The following LRP5 variants were observed in gnomAD, a reference collection of about 807,000 sequenced individuals.
The protein encoded by LRP5 is low-density lipoprotein receptor-related protein 5.
In LRP5, 62 loss-of-function variants were observed where a neutral mutation model predicts 154.1. The observed-to-expected ratio is 0.40, with a 90% confidence interval of 0.33 to 0.50. The LOEUF is 0.50. LRP5 is among the 20% of genes least tolerant of loss of function. LRP5 has a pLI of 0.55. For missense variants in LRP5, 1,915 were observed against 2,336.7 expected (o/e 0.82, Z 3.72); for synonymous variants, 966 against 1,011.5 (o/e 0.96, Z 0.85).
intron 3 of LRP5, among the ~76,000 whole-genome samples, chr11:68,360,577 C>T (rs2153137543): frequency 6.6e-6 from 1 of 152,318 alleles, no homozygotes; most frequent in African/African-American, 2.4e-5. Flanking sequence ...CCTGTGCAGG[C>T]CCCTTTATCT....
At chr11:68,369,757 G>A (rs1334375396) in intron 5 of LRP5, among the ~76,000 whole-genome samples, 1 of 152,158 alleles carries the variant, frequency 6.6e-6, no homozygotes, top group Non-Finnish European at 1.5e-5. Context: ...AGGAACGGGT[G>A]TGGGCCCTGA....
intron 16 of LRP5, among the ~76,000 whole-genome samples, chr11:68,427,847 T>C (rs1209858591): frequency 6.6e-6 from 1 of 152,206 alleles, no homozygotes; most frequent in African/African-American, 2.4e-5. Context: ...CAGCTCTCCC[T>C]CCAAGCTGCC....
rs983965078 is a variant in LRP5, at chr11:68,386,099, T to A, written c.1016-217T>A. Among the ~76,000 whole-genome samples, 12 of 151,970 alleles carry A rather than the reference T, an allele frequency of 7.9e-5. No homozygotes were observed. Among genetic ancestry groups the A allele is most frequent in the African/African-American group, 2.9e-4 (12 of 41,364 alleles). On this transcript the variant is annotated intron_variant, in intron 5 of 22. Transcript: ENST00000294304. This position sits in a 1 kb window ranked among gnomAD's most constrained non-coding sequence, Gnocchi z 7.9. ...TGCTTCAGTTCTCTCATTTGTAAAA[T>A]GAGGAAACAAACAGTGCCAGCCTCC...
rs1183899042 is a variant in LRP5, at chr11:68,411,532, G to T, written c.2415G>T (p.Arg805=). 1 of 1,613,680 alleles carries T rather than the reference G, an allele frequency of 6.2e-7. No individual in the cohort carries two copies. Among genetic ancestry groups the T allele is most frequent in the Non-Finnish European group, 8.5e-7 (1 of 1,180,040 alleles). ...TGACGCTGGTGGACAAGGTGGGCCG[G>T]GCCAACGACCTCACCATTGACTACG... The part of the protein sequence containing the change: ...NCMTLVDKVG[R]ANDLTIDYAD... Residue 805 remains arginine, a synonymous_variant, in exon 11 of 23, where the codon CGG becomes CGT. Coordinates refer to ENST00000294304, the MANE Select transcript of LRP5 (RefSeq NM_002335.4).
intron 16 of LRP5, among the ~76,000 whole-genome samples, chr11:68,427,646 C>T (rs1264618270): frequency 6.6e-6 from 1 of 151,854 alleles, no homozygotes; most frequent in African/African-American, 2.4e-5. Flanking sequence ...CGCCACTGCA[C>T]TCCAGCCTAG....
At chr11:68,408,851 C>T (rs995624925) in intron 9 of LRP5, among the ~76,000 whole-genome samples, 11 of 151,348 alleles carry the variant, frequency 7.3e-5, no homozygotes, top group Non-Finnish European at 1.2e-4. Context: ...AGTTTGAGAC[C>T]GGCCTGGGCA....
At chr11:68,432,568 G>A (rs1353514984) in intron 17 of LRP5, among the ~76,000 whole-genome samples, 1 of 152,338 alleles carries the variant, frequency 6.6e-6, no homozygotes, top group East Asian at 1.9e-4. Flanking sequence ...AAAGGCTTGC[G>A]TGCAGCATGA....
Position 68,417,173 on chromosome 11 carries a change from A to T in LRP5, c.3027+646A>T, listed in dbSNP as rs563186819. Among the ~76,000 whole-genome samples, 3 of 152,296 alleles carry T rather than the reference A, an allele frequency of 2.0e-5. No individual in the cohort carries two copies. The East Asian group carries it at 5.8e-4, about 29-fold the overall frequency. On this transcript the variant is annotated intron_variant, in intron 13 of 22. Coordinates refer to ENST00000294304, the MANE Select transcript of LRP5 (RefSeq NM_002335.4). ...TTATGAGTGTGGAAGGGTGTAGCGC[A>T]TGAGTTTTTGTGAAACACTGGAAGG...
intron 7 of LRP5, among the ~76,000 whole-genome samples, chr11:68,401,085 G>T (rs1477894552): frequency 1.3e-5 from 2 of 152,184 alleles, no homozygotes; most frequent in Non-Finnish European, 2.9e-5. Context: ...CTCCTCTCAC[G>T]CTGGGTGTCC....
chr11:68,315,161 A>G (rs762957483), intron 1 of LRP5, among the ~76,000 whole-genome samples: 67 of 152,272 alleles, frequency 4.4e-4, no homozygotes, highest in Non-Finnish European at 8.2e-4. Flanking sequence ...TTCGGGCACC[A>G]TACCTAGTTT....
At chr11:68,402,999 A>G (rs2098653472) in intron 7 of LRP5, among the ~76,000 whole-genome samples, 1 of 152,204 alleles carries the variant, frequency 6.6e-6, no homozygotes, top group Non-Finnish European at 1.5e-5. Flanking sequence ...GAATCCCAGC[A>G]CTTTGGGAGG....
Position 68,386,401 on chromosome 11 carries a change from G to A in LRP5, c.1101G>A (p.Leu367=). The change falls in exon 6 of 23, where the codon CTG becomes CTA. Residue 367 remains leucine, a synonymous_variant. Coordinates refer to ENST00000294304, the MANE Select transcript of LRP5 (RefSeq NM_002335.4). This position sits in a 1 kb window ranked among gnomAD's most constrained non-coding sequence, Gnocchi z 7.9. The part of the protein sequence containing the change: ...LDTPDFTDIV[L]QVDDIRHAIA... Reference sequence around the variant, plus strand: ...CGCCGGACTTCACCGACATCGTGCTGCAGGTGGACGACATCCGGCACGCCA... The same window carrying A: ...CGCCGGACTTCACCGACATCGTGCTACAGGTGGACGACATCCGGCACGCCA... 8 of 1,613,982 alleles carry A rather than the reference G, an allele frequency of 5.0e-6. No homozygotes were observed. Among genetic ancestry groups the A allele is most frequent in the Non-Finnish European group, 6.8e-6 (8 of 1,180,030 alleles).
chr11:68,367,202 G>A (rs189576248), intron 5 of LRP5, among the ~76,000 whole-genome samples: 49 of 152,316 alleles, frequency 3.2e-4, no homozygotes, highest in African/African-American at 1.1e-3. Flanking sequence ...GTGACCTGGC[G>A]ACACCAGGGG....
intron 5 of LRP5, among the ~76,000 whole-genome samples, chr11:68,379,646 G>T (rs2098639222): frequency 2.0e-5 from 3 of 152,174 alleles, no homozygotes; most frequent in Non-Finnish European, 2.9e-5. Flanking sequence ...TAGGGTTTTG[G>T]TGTTGTCCCT....
the LRP5 span, among the ~76,000 whole-genome samples, chr11:68,301,626 A>T: frequency 6.8e-6 from 1 of 146,458 alleles, no homozygotes; most frequent in African/African-American, 2.4e-5. Context: ...TTATTTATTT[A>T]TTTATTTTTT....
At chr11:68,442,076 AT>A (rs2098678499) in intron 21 of LRP5, among the ~76,000 whole-genome samples, 2 of 152,212 alleles carry the variant, frequency 1.3e-5, no homozygotes, top group Non-Finnish European at 2.9e-5. Flanking sequence ...ATCTGTACAT[AT>A]GCAAGCATAC....
chr11:68,320,557 G>A (rs2098596171), intron 1 of LRP5, among the ~76,000 whole-genome samples: 1 of 151,720 alleles, frequency 6.6e-6, no homozygotes, highest in South Asian at 2.1e-4. Context: ...TGCCTCCCGG[G>A]TTCCAGCTGT....
intron 9 of LRP5, among the ~76,000 whole-genome samples, chr11:68,409,372 T>C (rs1345624420): frequency 6.8e-6 from 1 of 146,990 alleles, no homozygotes; most frequent in Non-Finnish European, 1.5e-5. Flanking sequence ...TATACATTTA[T>C]AAATACACAT....
chr11:68,323,562 C>G (rs181017590), intron 1 of LRP5, among the ~76,000 whole-genome samples: 2 of 152,278 alleles, frequency 1.3e-5, no homozygotes, highest in Admixed American at 6.5e-5. Flanking sequence ...TACAGGCACA[C>G]ACCACCAGGC....
Sources: gnomAD v4.1 joint callset for allele counts (sites outside exome capture counted in the v4.1 genomes callset) on GRCh38, gnomAD v4.1.1 for gene constraint, Gnocchi (gnomAD v3.1) non-coding constraint, MANE v1.5 for transcripts, NCBI Gene and HGNC (gene_info 2026-07-23, HGNC 2026-07-21) for gene names.